MYO18A: variants seen among roughly 807,000 people sequenced by gnomAD.
MYO18A encodes the protein myosin XVIIIA.
Under a neutral mutation model 235.8 loss-of-function variants are expected in MYO18A, and 78 were observed. The ratio of observed to expected loss-of-function variants is 0.33; its 90% CI spans 0.28 to 0.40. The LOEUF is 0.40. Among genes scored for constraint, MYO18A ranks in the 10% least tolerant of loss-of-function variants. The probability of loss-of-function intolerance (pLI) is 1.00; values close to 1 mark genes in which losing one functional copy is unlikely to be tolerated. For missense variants in MYO18A, 2,215 were observed against 2,699.3 expected (o/e 0.82, Z 3.98); for synonymous variants, 977 against 1,077.8 (o/e 0.91, Z 1.83).
chr17:29,164,968 C>G lies in MYO18A; in HGVS notation c.999+974G>C, dbSNP rs118050112. Among the ~76,000 whole-genome samples, 949 of 152,338 alleles carry G rather than the reference C, an allele frequency of 6.2e-3. 7 individuals carry two copies. The highest frequency in any genetic ancestry group is 6.5e-3 in the Non-Finnish European group (443 of 68,038). ...CTCCTTCCAGGAGAGGTAATAAAGA[C>G]TCTTGGAGCCCAAGTGACCATTATA... is the stretch of plus-strand genomic sequence containing the variant. On this transcript the variant is annotated intron_variant, in intron 2 of 41. Coordinates refer to ENST00000527372, the MANE Select transcript of MYO18A (RefSeq NM_078471.4).
At chr17:29,177,617 T>A (rs1416234660) in intron 1 of MYO18A, among the ~76,000 whole-genome samples, 1 of 151,294 alleles carries the variant, frequency 6.6e-6, no homozygotes, top group Admixed American at 6.6e-5. Flanking sequence ...CACCCGGGGG[T>A]CTGACCCAAA....
At chr17:29,129,131 A>G (rs1037900964) in intron 2 of MYO18A, 1 of 1,289,124 alleles carries the variant, frequency 7.8e-7, no homozygotes, top group African/African-American at 1.5e-5. Flanking sequence ...GAAGGAAAAA[A>G]TGATCAGGGA....
chr17:29,128,649 T>C, intron 2 of MYO18A: 1 of 874,178 alleles, frequency 1.1e-6, no homozygotes. Flanking sequence ...GGAACAGATC[T>C]CCCATTCATC....
intron 31 of MYO18A, 30 bp downstream of exon 31, chr17:29,093,950 G>C: frequency 6.6e-7 from 1 of 1,511,820 alleles, no homozygotes; most frequent in Non-Finnish European, 9.1e-7. Flanking sequence ...AGGTGTTTAC[G>C]CTGGACAGGT....
intron 2 of MYO18A, among the ~76,000 whole-genome samples, chr17:29,129,629 A>T (rs2067412975): frequency 6.6e-6 from 1 of 152,210 alleles, no homozygotes; most frequent in South Asian, 2.1e-4. Context: ...CAAAACAATG[A>T]TCTTGGTTCT....
intron 41 of MYO18A, chr17:29,080,402 T>C (rs539240500): frequency 3.0e-6 from 3 of 986,076 alleles, no homozygotes; most frequent in East Asian, 1.1e-4. Flanking sequence ...GACGGGTGGC[T>C]GTACTGCGAG....
At chr17:29,132,987 C>T (rs757790228) in intron 2 of MYO18A, among the ~76,000 whole-genome samples, 14 of 152,202 alleles carry the variant, frequency 9.2e-5, no homozygotes, top group Non-Finnish European at 1.9e-4. Flanking sequence ...GACAAGTGTT[C>T]GCAAACCACA....
rs376195842 is a variant in MYO18A at position 29,121,751 on chromosome 17, T to G, written c.1195-28A>C. 1.3e-6 allele frequency: 2 copies of G among 1,581,136 alleles called. No individual in the cohort carries two copies. Among genetic ancestry groups the G allele is most frequent in the African/African-American group, 2.7e-5 (2 of 74,146 alleles). ...GTGTGGGAGGACAGGCGGGTGGGTA[T>G]TAGAGCAGCAGAGCCCATCTCCGCT... On this transcript the variant is annotated intron_variant, in intron 4 of 41. Coordinates refer to ENST00000527372, the MANE Select transcript of MYO18A (RefSeq NM_078471.4). The surrounding 1 kb of genome is among the most constrained non-coding windows in gnomAD (Gnocchi z 4.2).
chr17:29,164,441 C>T lies in MYO18A; in HGVS notation c.999+1501G>A, dbSNP rs567620575. On this transcript the variant is annotated intron_variant, in intron 2 of 41. Transcript: ENST00000527372. ...GGAACCCAACTACAGTGCTTCCTGA[C>T]AGTCTGACCCTACCACTGCCAGCCC... 7.9e-5 allele frequency among the ~76,000 whole-genome samples: 12 copies of T among 152,346 alleles called. No individual in the cohort carries two copies. The East Asian group carries it at 2.3e-3, about 29-fold the overall frequency.
intron 40 of MYO18A, 94 bp from the exon 41 acceptor site, chr17:29,082,532 G>T: frequency 7.4e-7 from 1 of 1,346,456 alleles, no homozygotes; most frequent in Non-Finnish European, 1.0e-6. Context: ...CTTGGGCAGG[G>T]GGGATGTGGG....
At chr17:29,097,372 G>A (rs772597866) in intron 26 of MYO18A, 22 bp from the exon 27 acceptor site, 3 of 1,604,890 alleles carry the variant, frequency 1.9e-6, no homozygotes, top group Non-Finnish European at 2.5e-6. Context: ...AGGCAGACAA[G>A]GGAGGATGGA....
Position 29,118,189 on chromosome 17 carries a change from G to C in MYO18A, c.1894C>G (p.Pro632Ala), listed in dbSNP as rs962144956. 1 of 1,598,268 alleles carries C rather than the reference G, an allele frequency of 6.3e-7. No homozygotes were observed. The highest frequency in any genetic ancestry group is 8.5e-7 in the Non-Finnish European group (1 of 1,171,486). Residue 632 changes from proline (P) to alanine (A), a missense_variant and splice_region_variant, in exon 10 of 42, where the codon CCT becomes GCT. Transcript: ENST00000527372. The surrounding 1 kb of genome is among the most constrained non-coding windows in gnomAD (Gnocchi z 4.2). ...NVFGIVPLAK[P>A]EEKQKAAQQF... ...TGAGCTGCCTTCTGCTTTTCCTCAG[G>C]CTGTGGAGATAGATGACCTCAAAGG...
chr17:29,114,771 G>T lies in MYO18A; in HGVS notation c.2511+136C>A, dbSNP rs1350614795. The T allele has an allele frequency of 3.2e-6, 3 of 944,708 alleles. No individual in the cohort carries two copies. In the African/African-American group the frequency reaches 5.0e-5, roughly 16 times the overall value. The allele number at this position is 944,708 out of a possible 1,614,324, so 58.5% of individuals were successfully genotyped here. On this transcript the variant is annotated intron_variant, in intron 14 of 41. Coordinates refer to ENST00000527372, the MANE Select transcript of MYO18A (RefSeq NM_078471.4). ...CAGAGGCCACGGACAAGGGGGCAAG[G>T]AACGACTCCTGCTCCAGAGAGCGCA...
In MYO18A at chr17:29,118,332, C is replaced by A. The variant is rs1306101377; in HGVS notation, c.1893+45G>T. The A allele has an allele frequency of 5.1e-6, 8 of 1,581,844 alleles. No homozygotes were observed. Among genetic ancestry groups the A allele is most frequent in the South Asian group, 1.1e-5 (1 of 88,558 alleles). ...CAGGACCCATGGAGGCTTCTCCTAC[C>A]CCCAAGGCCCAGGGCTGGCAACCCA... On this transcript the variant is annotated intron_variant, in intron 9 of 41. Coordinates refer to ENST00000527372, the MANE Select transcript of MYO18A (RefSeq NM_078471.4). The surrounding 1 kb of genome is among the most constrained non-coding windows in gnomAD (Gnocchi z 4.2).
chr17:29,178,976 C>T (rs529749054), intron 1 of MYO18A, among the ~76,000 whole-genome samples: 21 of 152,358 alleles, frequency 1.4e-4, no homozygotes, highest in East Asian at 5.8e-4. Flanking sequence ...GAGGCCTTCT[C>T]GGCCACAGAC....
At chr17:29,114,580 G>A (rs550953999) in intron 14 of MYO18A, among the ~76,000 whole-genome samples, 12 of 152,314 alleles carry the variant, frequency 7.9e-5, no homozygotes, top group African/African-American at 1.2e-4. Flanking sequence ...GAAGGGAGAC[G>A]GGAAGGCCAG....
chr17:29,127,920 TG>T, intron 2 of MYO18A: 1 of 994,498 alleles, frequency 1.0e-6, no homozygotes, highest in Non-Finnish European at 1.2e-6. Context: ...TTCGGGCCGG[TG>T]GAGCCTGGGG....
intron 40 of MYO18A, 97 bp from the exon 41 acceptor site, chr17:29,082,535 G>C: frequency 7.7e-7 from 1 of 1,301,772 alleles, no homozygotes; most frequent in South Asian, 1.3e-5. Context: ...GGGCAGGGGG[G>C]ATGTGGGCAG....
chr17:29,135,899 A>G (rs926799058), intron 2 of MYO18A, among the ~76,000 whole-genome samples: 3 of 152,236 alleles, frequency 2.0e-5, no homozygotes, highest in Non-Finnish European at 4.4e-5. Flanking sequence ...GCCCAAGCAC[A>G]TGCTTGTTTC....
Sources: gnomAD v4.1 joint callset for allele counts (sites outside exome capture counted in the v4.1 genomes callset) on GRCh38, gnomAD v4.1.1 for gene constraint, Gnocchi (gnomAD v3.1) non-coding constraint, MANE v1.5 for transcripts, NCBI Gene and HGNC (gene_info 2026-07-23, HGNC 2026-07-21) for gene names.